The following PALM2AKAP2 variants were observed in gnomAD, a reference collection of about 807,000 sequenced individuals.
The protein encoded by PALM2AKAP2 is PALM2 and AKAP2 fusion, also known as PALM2-AKAP2 fusion protein.
Under a neutral mutation model 71.5 loss-of-function variants are expected in PALM2AKAP2, and 37 were observed. The ratio of observed to expected loss-of-function variants is 0.52; its 90% CI spans 0.40 to 0.68. The LOEUF is 0.68. PALM2AKAP2 is among the 30% of genes least tolerant of loss of function. The pLI is 0.00. For missense variants in PALM2AKAP2, 1,224 were observed against 1,191.8 expected (o/e 1.03, Z -0.40); for synonymous variants, 468 against 478.8 (o/e 0.98, Z 0.29).
chr9:109,985,626 A>AAT (rs1368388191), intron 6 of PALM2AKAP2, among the ~76,000 whole-genome samples: 2 of 150,578 alleles, frequency 1.3e-5, no homozygotes, highest in Non-Finnish European at 3.0e-5. Context: ...TCTCAAAAAA[A>AAT]AAAAAAACTG....
intron 1 of PALM2AKAP2, among the ~76,000 whole-genome samples, chr9:109,754,896 C>CA (rs1261491381): frequency 2.0e-5 from 3 of 152,108 alleles, no homozygotes; most frequent in Non-Finnish European, 4.4e-5. Flanking sequence ...CAGGCCATAG[C>CA]ACCATCCTAA....
At chr9:110,025,260 G>A in intron 7 of PALM2AKAP2, 1 of 1,149,858 alleles carries the variant, frequency 8.7e-7, no homozygotes. Context: ...CTTTCTTATA[G>A]ATTCGCATAT....
upstream of PALM2AKAP2, among the ~76,000 whole-genome samples, chr9:110,044,407 A>C (rs1174623301): frequency 1.7e-5 from 2 of 118,292 alleles, no homozygotes; most frequent in African/African-American, 3.4e-5. Flanking sequence ...GCTGAAGTGT[A>C]GTGGCCTGAT....
chr9:109,710,941 C>T (rs577251007), intron 1 of PALM2AKAP2, among the ~76,000 whole-genome samples: 27 of 147,264 alleles, frequency 1.8e-4, no homozygotes, highest in Middle Eastern at 3.6e-3. Flanking sequence ...GTTTCTCCAA[C>T]GTGGCCACAA....
chr9:110,088,284 G>C (rs1009167255), intron 1 of PALM2AKAP2, among the ~76,000 whole-genome samples: 4 of 152,140 alleles, frequency 2.6e-5, no homozygotes, highest in Non-Finnish European at 5.9e-5. Context: ...ATTGGTTGCA[G>C]GAGGGGACCA....
chr9:109,853,579 C>G (rs563655855), intron 1 of PALM2AKAP2, among the ~76,000 whole-genome samples: 2 of 152,248 alleles, frequency 1.3e-5, no homozygotes, highest in African/African-American at 4.8e-5. Flanking sequence ...TTTTTAAAAG[C>G]AATGCTGCAG....
chr9:109,704,457 T>C (rs1828110995), intron 1 of PALM2AKAP2, among the ~76,000 whole-genome samples: 1 of 152,220 alleles, frequency 6.6e-6, no homozygotes, highest in South Asian at 2.1e-4. Flanking sequence ...TAGCAAGAAG[T>C]AGTCCTTGGT....
chr9:110,081,718 C>T (rs148237528), intron 1 of PALM2AKAP2, among the ~76,000 whole-genome samples: 3 of 152,170 alleles, frequency 2.0e-5, no homozygotes, highest in Admixed American at 6.5e-5. Flanking sequence ...GGAAACTCTC[C>T]CTTCTTTTAA....
chr9:110,053,391 G>T (rs1394393205), intron 1 of PALM2AKAP2, among the ~76,000 whole-genome samples: 1 of 151,978 alleles, frequency 6.6e-6, no homozygotes, highest in Non-Finnish European at 1.5e-5. Context: ...AGCCAGGTGT[G>T]GTGGCAGGTG....
chr9:109,969,934 A>G (rs1832034151), intron 6 of PALM2AKAP2, among the ~76,000 whole-genome samples: 1 of 152,210 alleles, frequency 6.6e-6, no homozygotes, highest in African/African-American at 2.4e-5. Context: ...CCCATTGACC[A>G]AAAGTAGCCT....
At chr9:109,953,626 G>A (rs756059353) in intron 6 of PALM2AKAP2, among the ~76,000 whole-genome samples, 3 of 151,722 alleles carry the variant, frequency 2.0e-5, no homozygotes, top group African/African-American at 7.3e-5. Flanking sequence ...TCATGAGGTC[G>A]GAAGATAGAG....
At chr9:109,934,562 GGTTGCTA>G in intron 6 of PALM2AKAP2, among the ~76,000 whole-genome samples, 1 of 152,200 alleles carries the variant, frequency 6.6e-6, no homozygotes, top group Admixed American at 6.5e-5. Flanking sequence ...CTCTTCACTT[GGTTGCTA>G]GTCTTCTTGA....
intron 1 of PALM2AKAP2, among the ~76,000 whole-genome samples, chr9:109,793,013 T>C (rs1004005181): frequency 2.0e-5 from 3 of 152,158 alleles, no homozygotes; most frequent in African/African-American, 7.2e-5. Flanking sequence ...AAAATACTCT[T>C]TGAAAATACT....
intron 1 of PALM2AKAP2, among the ~76,000 whole-genome samples, chr9:110,060,329 C>T (rs1186633516): frequency 1.3e-5 from 2 of 152,132 alleles, no homozygotes; most frequent in Non-Finnish European, 2.9e-5. Flanking sequence ...TCTCGAACTC[C>T]TGACCTCAAG....
chr9:110,063,195 A>G (rs543212465), intron 1 of PALM2AKAP2, among the ~76,000 whole-genome samples: 44 of 150,400 alleles, frequency 2.9e-4, no homozygotes, highest in African/African-American at 1.0e-3. Context: ...GGAGAAAGGC[A>G]TACATCTGTC....
intron 1 of PALM2AKAP2, among the ~76,000 whole-genome samples, chr9:110,129,438 C>G (rs1358049571): frequency 2.0e-5 from 3 of 152,192 alleles, no homozygotes; most frequent in Non-Finnish European, 4.4e-5. Flanking sequence ...TGAGAAGAAC[C>G]CACCTTCAAA....
intron 6 of PALM2AKAP2, among the ~76,000 whole-genome samples, chr9:109,989,836 C>T (rs534208606): frequency 2.6e-5 from 4 of 152,316 alleles, no homozygotes; most frequent in African/African-American, 7.2e-5. Flanking sequence ...CCATTCGCCA[C>T]GTGGGCATGT....
chr9:110,011,008 A>ATATATATATAT (rs59500188), intron 6 of PALM2AKAP2, among the ~76,000 whole-genome samples: 6 of 91,750 alleles, frequency 6.5e-5, no homozygotes, highest in African/African-American at 3.4e-4. Flanking sequence ...AAAAAAAAAA[A>ATATATATATAT]AAAAAAATAT....
chr9:109,721,762 T>C (rs532204796), intron 1 of PALM2AKAP2, among the ~76,000 whole-genome samples: 186 of 152,344 alleles, frequency 1.2e-3, no homozygotes, highest in Non-Finnish European at 2.0e-3. Flanking sequence ...GCAGTGGAGA[T>C]TGGAAAGTAG....
Sources: gnomAD v4.1 joint callset for allele counts (sites outside exome capture counted in the v4.1 genomes callset) on GRCh38, gnomAD v4.1.1 for gene constraint, MANE v1.5 for transcripts, NCBI Gene and HGNC (gene_info 2026-07-23, HGNC 2026-07-21) for gene names.